PLXDC1: variants seen among roughly 807,000 people sequenced by gnomAD.
PLXDC1 encodes plexin domain-containing protein 1.
PLXDC1 carries 39 observed loss-of-function variants against 61.3 expected under a neutral mutation model. The ratio of observed to expected loss-of-function variants is 0.64; its 90% CI spans 0.49 to 0.83. The LOEUF is 0.83. PLXDC1 is among the 40% of genes least tolerant of loss of function. PLXDC1 has a pLI of 0.00. For missense variants in PLXDC1, 596 were observed against 666.5 expected, an observed-to-expected ratio of 0.89 and a Z score of 1.17; for synonymous variants, 212 against 254.5, an observed-to-expected ratio of 0.83 and a Z score of 1.59.
intron 7 of PLXDC1, among the ~76,000 whole-genome samples, chr17:39,089,285 G>A (rs1481521111): frequency 6.6e-5 from 10 of 152,152 alleles, no homozygotes; most frequent in Admixed American, 6.5e-4. Context: ...CCTGGGTATC[G>A]GCTGTGAGCT....
intron 11 of PLXDC1, among the ~76,000 whole-genome samples, chr17:39,074,716 G>A (rs1909259674): frequency 6.6e-6 from 1 of 152,128 alleles, no homozygotes; most frequent in Non-Finnish European, 1.5e-5. Context: ...ACCAGACACT[G>A]TCTGGCTAAA....
intron 10 of PLXDC1, among the ~76,000 whole-genome samples, chr17:39,078,841 C>T (rs1326792325): frequency 6.6e-6 from 1 of 152,168 alleles, no homozygotes; most frequent in Non-Finnish European, 1.5e-5. Context: ...TCTGCATGCA[C>T]CAAAAGAATT....
At chr17:39,081,411 C>G (rs572986577) in intron 9 of PLXDC1, 2 of 146,860 alleles carry the variant, frequency 1.4e-5, no homozygotes, top group South Asian at 2.1e-4. Context: ...GTCAGGAGAT[C>G]GAGACTGTCC....
At chr17:39,068,064 C>A in intron 13 of PLXDC1, 105 bp from the exon 14 acceptor site, 2 of 1,126,906 alleles carry the variant, frequency 1.8e-6, no homozygotes, top group Non-Finnish European at 1.3e-6. Context: ...TATAAGGGCC[C>A]TGGGGCACTT....
At chr17:39,148,538 G>A (rs2045355000) in intron 1 of PLXDC1, among the ~76,000 whole-genome samples, 5 of 151,592 alleles carry the variant, frequency 3.3e-5, no homozygotes, top group South Asian at 2.1e-4. Flanking sequence ...GCACCACCAC[G>A]CCTGGCTAAT....
chr17:39,134,187 G>T (rs1053826382), intron 2 of PLXDC1, among the ~76,000 whole-genome samples: 1 of 151,674 alleles, frequency 6.6e-6, no homozygotes, highest in Non-Finnish European at 1.5e-5. Flanking sequence ...CTGGGAGGCG[G>T]AGCTTGCGGT....
At chr17:39,110,703 G>A (rs1328699120) in intron 2 of PLXDC1, among the ~76,000 whole-genome samples, 1 of 152,236 alleles carries the variant, frequency 6.6e-6, no homozygotes, top group Non-Finnish European at 1.5e-5. Flanking sequence ...CTCCCTGCCA[G>A]GCTGCCAGCT....
chr17:39,093,854 G>T (rs1232115562), intron 7 of PLXDC1, among the ~76,000 whole-genome samples: 1 of 152,166 alleles, frequency 6.6e-6, no homozygotes, highest in African/African-American at 2.4e-5. Flanking sequence ...TAACTGCCGG[G>T]TGTCTACAGA....
At chr17:39,131,844 C>T (rs1035838925) in intron 2 of PLXDC1, 1 of 152,832 alleles carries the variant, frequency 6.5e-6, no homozygotes, top group Non-Finnish European at 1.5e-5. Flanking sequence ...TGACTGGCTT[C>T]CTGTCTCCCA....
At chr17:39,152,923 C>G, upstream of PLXDC1, 1 of 359,578 alleles carries the variant, frequency 2.8e-6, no homozygotes. Context: ...TGTCCCCTTA[C>G]CGTGGAACAA....
intron 7 of PLXDC1, among the ~76,000 whole-genome samples, chr17:39,104,797 G>A (rs1910538584): frequency 6.6e-6 from 1 of 151,900 alleles, no homozygotes; most frequent in Admixed American, 6.6e-5. Context: ...AAAAAAGGCT[G>A]TGCTCAGATA....
intron 2 of PLXDC1, among the ~76,000 whole-genome samples, chr17:39,137,162 G>A (rs1325809854): frequency 3.3e-5 from 5 of 152,114 alleles, no homozygotes; most frequent in African/African-American, 7.2e-5. Flanking sequence ...GGGGAAAACC[G>A]GCATACACAA....
rs1286845712 is a variant in PLXDC1 at position 39,139,790 on chromosome 17, G to A, written c.119C>T (p.Thr40Ile). The A allele has an allele frequency of 6.2e-6, 10 of 1,613,394 alleles. No individual in the cohort carries two copies. The highest frequency in any genetic ancestry group is 8.5e-6 in the Non-Finnish European group (10 of 1,179,772). Residue 40 changes from threonine to isoleucine, a missense_variant, in exon 2 of 14, where the codon ACC becomes ATC. Transcript: ENST00000315392. ...GPGSGWAAKG[T>I]VRGWNRRARE... ...GGCTCTCCGGTTCCAGCCCCGCACG[G>A]TCCCTTTGGCAGCCCATCCAGAGCC...
chr17:39,085,189 G>T (rs557683207), intron 8 of PLXDC1, among the ~76,000 whole-genome samples: 35 of 152,372 alleles, frequency 2.3e-4, no homozygotes, highest in African/African-American at 8.4e-4. Flanking sequence ...AACCAGCCCT[G>T]GGTGAGTGGG....
chr17:39,070,086 G>A (rs1351995397), intron 12 of PLXDC1, 70 bp from the exon 13 acceptor site: 1 of 1,221,416 alleles, frequency 8.2e-7, no homozygotes, highest in Non-Finnish European at 1.2e-6. Flanking sequence ...GGGGTCTTGG[G>A]TTCTAACAAA....
intron 2 of PLXDC1, among the ~76,000 whole-genome samples, chr17:39,123,249 A>G (rs1441795113): frequency 6.6e-6 from 1 of 152,018 alleles, no homozygotes; most frequent in African/African-American, 2.4e-5. Flanking sequence ...GGAGTGCAAT[A>G]GCCGCATCTC....
chr17:39,116,612 G>A (rs1014325921), intron 2 of PLXDC1, among the ~76,000 whole-genome samples: 3 of 152,220 alleles, frequency 2.0e-5, no homozygotes, highest in Non-Finnish European at 4.4e-5. Context: ...ACACAGGAAG[G>A]TGTCTCTGGA....
intron 2 of PLXDC1, among the ~76,000 whole-genome samples, chr17:39,117,223 C>A (rs149578793): frequency 5.9e-5 from 9 of 152,304 alleles, no homozygotes; most frequent in African/African-American, 2.2e-4. Context: ...CACCTCTCCC[C>A]GACCACTGAA....
At chr17:39,125,566 C>T (rs1420263323) in intron 2 of PLXDC1, among the ~76,000 whole-genome samples, 1 of 152,146 alleles carries the variant, frequency 6.6e-6, no homozygotes, top group African/African-American at 2.4e-5. Context: ...CAAGGACAGA[C>T]AAAAACAAAA....
Sources: allele counts gnomAD v4.1 joint callset (sites outside exome capture counted in the v4.1 genomes callset), GRCh38; gene constraint gnomAD v4.1.1; transcripts MANE v1.5; gene names NCBI Gene and HGNC (gene_info 2026-07-23, HGNC 2026-07-21).